Variants in PDZRN3 observed in about 807,000 individuals in gnomAD.
PDZRN3 encodes E3 ubiquitin-protein ligase PDZRN3.
Under a neutral mutation model 85.7 loss-of-function variants are expected in PDZRN3, and 38 were observed. That is an observed-to-expected ratio of 0.44 (90% CI 0.34 to 0.58). The LOEUF (loss-of-function observed/expected upper bound fraction) is 0.58. Among genes scored for constraint, PDZRN3 ranks in the 20% least tolerant of loss-of-function variants. The pLI, the probability that PDZRN3 is intolerant of heterozygous loss-of-function variation, is 0.01. For missense variants in PDZRN3, 1,629 were observed against 1,506.4 expected (o/e 1.08, Z -1.35); for synonymous variants, 759 against 638.0 (o/e 1.19, Z -2.86).
At chr3:73,569,068 G>A in intron 3 of PDZRN3, 1 of 773,650 alleles carries the variant, frequency 1.3e-6, no homozygotes, top group Non-Finnish European at 1.9e-6. Flanking sequence ...AAAATAACTG[G>A]CCCAAAGTAT....
intron 3 of PDZRN3, among the ~76,000 whole-genome samples, chr3:73,585,175 T>C (rs1010157159): frequency 7.9e-5 from 12 of 152,224 alleles, no homozygotes; most frequent in Non-Finnish European, 1.0e-4. Context: ...AGTTTTACCA[T>C]TTTAAAGTTT....
intron 3 of PDZRN3, among the ~76,000 whole-genome samples, chr3:73,436,814 G>C (rs1476663341): frequency 6.6e-6 from 1 of 152,080 alleles, no homozygotes; most frequent in Non-Finnish European, 1.5e-5. Flanking sequence ...TTGGGAGGCT[G>C]AGGTGGGCGG....
At chr3:73,559,459 C>T (rs184219493) in intron 3 of PDZRN3, among the ~76,000 whole-genome samples, 9 of 152,256 alleles carry the variant, frequency 5.9e-5, no homozygotes, top group Admixed American at 3.9e-4. Context: ...GAAAACCTTC[C>T]GAACTTGTCT....
intron 3 of PDZRN3, chr3:73,434,063 A>C: frequency 2.0e-6 from 1 of 507,510 alleles, no homozygotes; most frequent in East Asian, 1.5e-4. Context: ...CTCATTGACT[A>C]TTCATAACAG....
chr3:73,383,958 G>A lies in PDZRN3; in HGVS notation c.2608C>T (p.His870Tyr), dbSNP rs1259356468. The A allele has an allele frequency of 1.3e-6, 2 of 1,599,994 alleles. No individual in the cohort carries two copies. Among genetic ancestry groups the A allele is most frequent in the Non-Finnish European group, 8.5e-7 (1 of 1,174,122 alleles). Residue 870 changes from histidine to tyrosine, a missense_variant, in exon 10 of 10, where the codon CAC becomes TAC. Physicochemically the swap from His to Tyr is moderately conservative, Grantham distance 83 (BLOSUM62 2). Transcript: ENST00000263666. ...LPSYHHSPYK[H>Y]AHIPAHAQHY... is the part of the protein sequence containing the mutation. The stretch of plus-strand genomic sequence containing the variant: ...TGGGCGTGCGCCGGGATGTGCGCGT[G>A]CTTGTATGGGGAGTGGTGATAGGAG...
chr3:73,433,893 T>A, intron 3 of PDZRN3: 1 of 1,427,166 alleles, frequency 7.0e-7, no homozygotes, highest in Non-Finnish European at 9.1e-7. Context: ...ACGCTTCCCT[T>A]CCTCCCCTCG....
At position 73,604,992 on chromosome 3, in the gene PDZRN3, T is replaced by C. The variant is rs573292710; in HGVS notation, c.811-2531A>G. ...TCCCAGCACTTTGGGAGGCCGAGGC[T>C]GGTGGATCGCCTGAGCTCAGGAATT... On this transcript the variant is annotated intron_variant, in intron 2 of 9. Transcript: ENST00000263666. 6.6e-5 allele frequency among the ~76,000 whole-genome samples: 10 copies of C among 152,086 alleles called. No homozygotes were observed. The South Asian group carries it at 2.1e-3, about 32-fold the overall frequency.
At chr3:73,386,955 C>T (rs779966619) in intron 8 of PDZRN3, among the ~76,000 whole-genome samples, 21 of 152,162 alleles carry the variant, frequency 1.4e-4, no homozygotes, top group Non-Finnish European at 2.5e-4. Context: ...ACGTGTTGTG[C>T]GAGGGACCTC....
chr3:73,603,413 G>C (rs1231436920), intron 2 of PDZRN3, among the ~76,000 whole-genome samples: 1 of 152,132 alleles, frequency 6.6e-6, no homozygotes, highest in Non-Finnish European at 1.5e-5. Flanking sequence ...GCTTGTTCAC[G>C]AACTTCTTTT....
At chr3:73,589,321 T>C (rs569661116) in intron 3 of PDZRN3, among the ~76,000 whole-genome samples, 2 of 152,350 alleles carry the variant, frequency 1.3e-5, no homozygotes, top group South Asian at 4.1e-4. Context: ...AGAACTGGGA[T>C]GGATTATTAC....
intron 3 of PDZRN3, among the ~76,000 whole-genome samples, chr3:73,413,471 C>A (rs140920854): frequency 1.3e-3 from 203 of 152,288 alleles, no homozygotes; most frequent in African/African-American, 4.7e-3. Context: ...GATTTCATCC[C>A]GTCTTCAGAA....
chr3:73,555,622 A>G (rs770824732), intron 3 of PDZRN3, among the ~76,000 whole-genome samples: 1 of 152,192 alleles, frequency 6.6e-6, no homozygotes, highest in Non-Finnish European at 1.5e-5. Context: ...AATCAACGGC[A>G]TGTGTACCAA....
chr3:73,559,136 G>T (rs1701763762), intron 3 of PDZRN3, among the ~76,000 whole-genome samples: 1 of 152,202 alleles, frequency 6.6e-6, no homozygotes, highest in Admixed American at 6.5e-5. Flanking sequence ...GGCGGGGGTT[G>T]TCACAACCTT....
intron 3 of PDZRN3, among the ~76,000 whole-genome samples, chr3:73,500,502 A>C (rs1238284556): frequency 2.0e-5 from 3 of 152,146 alleles, no homozygotes; most frequent in Non-Finnish European, 4.4e-5. Context: ...CTGAGTTGCC[A>C]GGACTGCTGA....
chr3:73,460,555 C>A (rs546299910), intron 3 of PDZRN3, among the ~76,000 whole-genome samples: 36 of 152,308 alleles, frequency 2.4e-4, no homozygotes, highest in African/African-American at 7.2e-4. Context: ...AAATTCTCCA[C>A]AGGGAGTATG....
At chr3:73,547,529 G>A (rs1238815036) in intron 3 of PDZRN3, among the ~76,000 whole-genome samples, 1 of 152,198 alleles carries the variant, frequency 6.6e-6, no homozygotes, top group African/African-American at 2.4e-5. Context: ...CTGCTTAAAG[G>A]AGCTCCTCCT....
At chr3:73,622,283 A>C (rs1174658633) in intron 1 of PDZRN3, among the ~76,000 whole-genome samples, 1 of 152,178 alleles carries the variant, frequency 6.6e-6, no homozygotes, top group Non-Finnish European at 1.5e-5. Flanking sequence ...GGGGCCAGGA[A>C]GGGGGGCCAG....
chr3:73,461,625 C>A (rs1463217069), intron 3 of PDZRN3, among the ~76,000 whole-genome samples: 2 of 152,222 alleles, frequency 1.3e-5, no homozygotes, highest in Non-Finnish European at 2.9e-5. Context: ...AAACACAAAA[C>A]TTTTCATGTA....
At chr3:73,621,246 A>C (rs1229518765) in intron 1 of PDZRN3, among the ~76,000 whole-genome samples, 2 of 152,204 alleles carry the variant, frequency 1.3e-5, no homozygotes, top group Admixed American at 6.5e-5. Context: ...ACAAACCCTA[A>C]GCGTTCAGCA....
Sources: allele counts gnomAD v4.1 joint callset (sites outside exome capture counted in the v4.1 genomes callset), GRCh38; gene constraint gnomAD v4.1.1; transcripts MANE v1.5; gene names NCBI Gene and HGNC (gene_info 2026-07-23, HGNC 2026-07-21).